Variants in SAMMSON observed in about 807,000 individuals in gnomAD.
SAMMSON encodes the protein survival associated mitochondrial melanoma specific oncogenic non-coding RNA, also known as long intergenic non-protein coding RNA 1212.
intron 4 of SAMMSON, among the ~76,000 whole-genome samples, chr3:70,107,300 T>C (rs1011650981): frequency 1.3e-5 from 2 of 152,068 alleles, no homozygotes; most frequent in African/African-American, 4.8e-5. Flanking sequence ...CATGTAGAAA[T>C]GAGGCTGTAG....
intron 3 of SAMMSON, among the ~76,000 whole-genome samples, chr3:70,027,738 T>TAG (rs2067046705): frequency 6.6e-6 from 1 of 152,216 alleles, no homozygotes; most frequent in Admixed American, 6.5e-5. Context: ...CCATACATCA[T>TAG]CAGAGTAAGG....
chr3:70,028,935 G>T (rs1286215565), intron 3 of SAMMSON, among the ~76,000 whole-genome samples: 1 of 152,208 alleles, frequency 6.6e-6, no homozygotes, highest in Non-Finnish European at 1.5e-5. Flanking sequence ...AGGTACAGTT[G>T]TTAAGCCCAT....
intron 4 of SAMMSON, chr3:70,197,017 C>T (rs1701188081): frequency 2.5e-6 from 1 of 398,452 alleles, no homozygotes; most frequent in Admixed American, 4.4e-5. Flanking sequence ...GTCCATGTCA[C>T]AATTGCAGCT....
chr3:70,348,835 G>A (rs1488340105), intron 7 of SAMMSON, among the ~76,000 whole-genome samples: 1 of 152,092 alleles, frequency 6.6e-6, no homozygotes, highest in Admixed American at 6.5e-5. Flanking sequence ...GGAGCTCTGC[G>A]AGGGTTTTGA....
At chr3:70,241,046 T>C (rs917994004) in intron 4 of SAMMSON, among the ~76,000 whole-genome samples, 1 of 152,184 alleles carries the variant, frequency 6.6e-6, no homozygotes, top group African/African-American at 2.4e-5. Context: ...ACCAATTTAC[T>C]GTCACAGTGT....
At chr3:70,357,560 G>A (rs1702838626) in intron 8 of SAMMSON, among the ~76,000 whole-genome samples, 2 of 151,962 alleles carry the variant, frequency 1.3e-5, no homozygotes, top group South Asian at 4.1e-4. Context: ...CACAGAGTGG[G>A]GAACAACACA....
intron 7 of SAMMSON, among the ~76,000 whole-genome samples, chr3:70,319,222 C>G (rs970846530): frequency 3.1e-4 from 47 of 152,044 alleles, no homozygotes; most frequent in African/African-American, 1.1e-3. Context: ...TCTTTGCTGC[C>G]TTAGCTCAGC....
chr3:70,039,630 C>T (rs2107586133), intron 3 of SAMMSON, among the ~76,000 whole-genome samples: 1 of 150,826 alleles, frequency 6.6e-6, no homozygotes, highest in South Asian at 2.1e-4. Context: ...CACACACACA[C>T]ACACACACAC....
At chr3:70,294,707 G>T (rs150652110) in intron 7 of SAMMSON, among the ~76,000 whole-genome samples, 1 of 152,118 alleles carries the variant, frequency 6.6e-6, no homozygotes, top group East Asian at 1.9e-4. Flanking sequence ...AATGGCTCGA[G>T]GATTGATTAA....
intron 4 of SAMMSON, among the ~76,000 whole-genome samples, chr3:70,171,540 T>G (rs1700954069): frequency 6.6e-6 from 1 of 151,820 alleles, no homozygotes; most frequent in African/African-American, 2.4e-5. Flanking sequence ...AAAATCTGAG[T>G]ATAGTTTTGG....
Position 70,348,227 on chromosome 3 carries a change from T to C in SAMMSON, n.740-5948T>C, listed in dbSNP as rs568267972. Among the ~76,000 whole-genome samples the C allele has an allele frequency of 6.4e-4, 98 of 152,252 alleles. No individual in the cohort carries two copies. The South Asian group carries it at 0.019, about 30-fold the overall frequency. ...GATAACACTTGCAGAAAGGCTTGAA[T>C]AAGAAATGTGAGATTTGATCATGCC... On this transcript the variant is annotated intron_variant and non_coding_transcript_variant, in intron 7 of 9. Transcript: ENST00000642114.
At chr3:70,162,739 G>A (rs1391684945) in intron 4 of SAMMSON, among the ~76,000 whole-genome samples, 1 of 151,840 alleles carries the variant, frequency 6.6e-6, no homozygotes, top group African/African-American at 2.4e-5. Flanking sequence ...AATATGAAGT[G>A]ACCAACTATT....
chr3:70,216,745 C>A (rs1701415709), intron 4 of SAMMSON, among the ~76,000 whole-genome samples: 5 of 152,154 alleles, frequency 3.3e-5, no homozygotes. Flanking sequence ...CCTTCCCTTA[C>A]CTGACATCAA....
intron 9 of SAMMSON, among the ~76,000 whole-genome samples, chr3:70,360,525 G>C (rs1171287941): frequency 6.6e-6 from 1 of 152,088 alleles, no homozygotes; most frequent in African/African-American, 2.4e-5. Flanking sequence ...CAGACTAAAC[G>C]CACTCTATTC....
chr3:70,267,987 C>G (rs1243439994), intron 6 of SAMMSON, among the ~76,000 whole-genome samples: 1 of 151,394 alleles, frequency 6.6e-6, no homozygotes, highest in Non-Finnish European at 1.5e-5. Context: ...TTTCGCCTCC[C>G]CTTTCACCTC....
intron 6 of SAMMSON, among the ~76,000 whole-genome samples, chr3:70,250,091 C>T (rs1701746114): frequency 6.6e-6 from 1 of 152,060 alleles, no homozygotes; most frequent in South Asian, 2.1e-4. Flanking sequence ...TTTTACATCC[C>T]TTCTTCTATT....
chr3:70,402,811 G>A (rs1015060332), intron 2 of SAMMSON, among the ~76,000 whole-genome samples: 2 of 152,038 alleles, frequency 1.3e-5, no homozygotes, highest in African/African-American at 4.8e-5. Context: ...GCAATGAGCC[G>A]AGATTGTACC....
Position 70,396,246 on chromosome 3 carries a change from A to G in SAMMSON, n.233+37922A>G, listed in dbSNP as rs1230876571. On this transcript the variant is annotated intron_variant and non_coding_transcript_variant, in intron 2 of 3. Transcript: ENST00000641053. ...AGAAGACTGATGCAATGTTATAAAT[A>G]TGAAATATTACAATATGAAATACTA... Among the ~76,000 whole-genome samples, 17 of 152,226 alleles carry G rather than the reference A, an allele frequency of 1.1e-4. 1 individual carries two copies. The highest frequency in any genetic ancestry group is 1.1e-3 in the Admixed American group (17 of 15,272).
intron 6 of SAMMSON, among the ~76,000 whole-genome samples, chr3:70,265,540 C>G (rs13325656): frequency 0.012 from 1,901 of 152,096 alleles, 52 homozygotes; most frequent in African/African-American, 0.044. Context: ...ACCTTCCCAG[C>G]CATCTCAGGA....
Sources: gnomAD v4.1 joint callset for allele counts (sites outside exome capture counted in the v4.1 genomes callset) on GRCh38, gnomAD v4.1.1 for gene constraint, MANE v1.5 for transcripts, NCBI Gene and HGNC (gene_info 2026-07-23, HGNC 2026-07-21) for gene names.